Variants in ITPR2 observed in about 807,000 individuals in gnomAD.
ITPR2 encodes inositol 1,4,5-trisphosphate receptor type 2, also known as inositol 1,4,5-trisphosphate-gated calcium channel ITPR2.
In ITPR2, 207 loss-of-function variants were observed where a neutral mutation model predicts 317.1. The observed-to-expected ratio is 0.65, with a 90% CI of 0.58 to 0.73. The LOEUF is 0.73. Among genes scored for constraint, ITPR2 ranks in the 30% least tolerant of loss-of-function variants. The pLI, the probability that ITPR2 is intolerant of heterozygous loss-of-function variation, is 0.00. For synonymous variants in ITPR2, 1,156 were observed against 1,149.1 expected (o/e 1.01, Z -0.12); for missense variants, 2,613 against 3,284.0 (o/e 0.80, Z 4.99).
rs1265358828 is a variant in ITPR2 at position 26,832,922 on chromosome 12, C to G, written c.-141G>C. The G allele has an allele frequency of 2.7e-5, 18 of 659,908 alleles. No individual in the cohort carries two copies. Among genetic ancestry groups the G allele is most frequent in the Non-Finnish European group, 4.4e-5 (17 of 387,312 alleles). The allele number at this position is 659,908 out of a possible 1,614,324, so 40.9% of individuals were successfully genotyped here. A position where few individuals can be genotyped will look rare whatever the true frequency, so the allele number is the denominator to read the frequency against. ...GCCGCGGCGGAGGGCACGGCCCGAG[C>G]CACTGAGCGTCGCGGCTCAGCCGTG... On this transcript the variant is annotated 5_prime_UTR_variant, in exon 1 of 57. Transcript: ENST00000381340.
In ITPR2 at chr12:26,519,874, A is replaced by G. The variant is rs767888665; in HGVS notation, c.5074-24614T>C. ...TCAACGAGATATATTAAGTAAAAAG[A>G]GAAAGGTGTGAAATAGTGGTATGAT... is the stretch of plus-strand genomic sequence containing the variant. On this transcript the variant is annotated intron_variant, in intron 37 of 56. Coordinates refer to ENST00000381340, the MANE Select transcript of ITPR2 (RefSeq NM_002223.4). 3.9e-5 allele frequency among the ~76,000 whole-genome samples: 6 copies of G among 152,368 alleles called. No homozygotes were observed. The East Asian group carries it at 1.2e-3, about 29-fold the overall frequency.
intron 13 of ITPR2, among the ~76,000 whole-genome samples, chr12:26,666,429 TG>T (rs1256982942): frequency 1.3e-5 from 2 of 152,210 alleles, no homozygotes; most frequent in Non-Finnish European, 1.5e-5. Context: ...GAGTCGCAAC[TG>T]CACACGAGTT....
At chr12:26,437,330 C>A (rs1197254903) in intron 47 of ITPR2, among the ~76,000 whole-genome samples, 1 of 152,204 alleles carries the variant, frequency 6.6e-6, no homozygotes, top group Non-Finnish European at 1.5e-5. Context: ...TGAATTTCAA[C>A]CTAGTGCCTA....
chr12:26,807,353 C>A (rs890513984), intron 1 of ITPR2, among the ~76,000 whole-genome samples: 2 of 152,188 alleles, frequency 1.3e-5, no homozygotes, highest in African/African-American at 4.8e-5. Context: ...AGGATTTCAA[C>A]AATACCCATA....
chr12:26,341,389 GTGGGA>G (rs1938108357), intron 55 of ITPR2, among the ~76,000 whole-genome samples: 1 of 152,146 alleles, frequency 6.6e-6, no homozygotes, highest in South Asian at 2.1e-4. Flanking sequence ...ACCTCTGCCT[GTGGGA>G]TCCCTAGAAT....
chr12:26,412,084 G>C (rs1286664933), intron 51 of ITPR2, among the ~76,000 whole-genome samples: 2 of 152,118 alleles, frequency 1.3e-5, no homozygotes, highest in Non-Finnish European at 2.9e-5. Flanking sequence ...ATGAAGTAAA[G>C]AGGTTCCTCT....
intron 2 of ITPR2, among the ~76,000 whole-genome samples, chr12:26,731,214 C>A (rs1592078482): frequency 6.6e-6 from 1 of 152,208 alleles, no homozygotes; most frequent in East Asian, 1.9e-4. Flanking sequence ...AGGCATTCAA[C>A]AAATGGCTCT....
At chr12:26,626,569 T>A (rs1276938146) in intron 23 of ITPR2, among the ~76,000 whole-genome samples, 1 of 152,224 alleles carries the variant, frequency 6.6e-6, no homozygotes, top group Non-Finnish European at 1.5e-5. Context: ...TGCCATATCA[T>A]TCCTGGAAAT....
chr12:26,448,704 GA>G (rs1941669910), intron 45 of ITPR2, among the ~76,000 whole-genome samples: 1 of 152,208 alleles, frequency 6.6e-6, no homozygotes, highest in East Asian at 1.9e-4. Flanking sequence ...ATCCCCACAG[GA>G]AAGACTACCA....
At chr12:26,380,672 A>G (rs1395515945) in intron 55 of ITPR2, among the ~76,000 whole-genome samples, 1 of 152,250 alleles carries the variant, frequency 6.6e-6, no homozygotes, top group South Asian at 2.1e-4. Context: ...ATATAATTTC[A>G]TAATTATGAC....
chr12:26,701,861 C>A (rs1255756491), intron 9 of ITPR2, among the ~76,000 whole-genome samples: 1 of 152,116 alleles, frequency 6.6e-6, no homozygotes, highest in African/African-American at 2.4e-5. Flanking sequence ...TTTAAAAGGG[C>A]TTTTATTCCA....
At chr12:26,777,204 C>T (rs2137168511) in intron 2 of ITPR2, among the ~76,000 whole-genome samples, 1 of 152,194 alleles carries the variant, frequency 6.6e-6, no homozygotes, top group Middle Eastern at 3.4e-3. Flanking sequence ...CCTGATCTCC[C>T]TTGGTTTAAT....
chr12:26,639,007 AT>A (rs1946922198), intron 21 of ITPR2, among the ~76,000 whole-genome samples: 1 of 152,210 alleles, frequency 6.6e-6, no homozygotes, highest in African/African-American at 2.4e-5. Flanking sequence ...CCTAGGCTAC[AT>A]TATAAAAGGG....
At chr12:26,629,764 T>TC (rs1308842567) in intron 22 of ITPR2, among the ~76,000 whole-genome samples, 2 of 151,500 alleles carry the variant, frequency 1.3e-5, no homozygotes, top group African/African-American at 2.4e-5. Context: ...CTCTCTCTCC[T>TC]CCCCCGACCC....
intron 9 of ITPR2, among the ~76,000 whole-genome samples, chr12:26,704,429 C>G (rs2137008301): frequency 6.6e-6 from 1 of 152,294 alleles, no homozygotes; most frequent in South Asian, 2.1e-4. Context: ...GACATAGGAA[C>G]TGCACAACAG....
At chr12:26,760,859 C>T (rs1349193989) in intron 2 of ITPR2, among the ~76,000 whole-genome samples, 1 of 152,222 alleles carries the variant, frequency 6.6e-6, no homozygotes, top group Non-Finnish European at 1.5e-5. Context: ...TGGTAAAGCT[C>T]ATGGAACCTT....
chr12:26,537,954 A>G (rs1344605955), intron 37 of ITPR2, among the ~76,000 whole-genome samples: 1 of 152,254 alleles, frequency 6.6e-6, no homozygotes, highest in Non-Finnish European at 1.5e-5. Context: ...GAAATCAGTA[A>G]ATGGTAGATA....
intron 51 of ITPR2, among the ~76,000 whole-genome samples, chr12:26,413,995 TAGTA>T (rs1448956105): frequency 6.6e-6 from 1 of 151,370 alleles, no homozygotes; most frequent in African/African-American, 2.4e-5. Flanking sequence ...GCCTCAAATC[TAGTA>T]AGTAATTAAT....
chr12:26,499,334 T>C (rs549569788), intron 37 of ITPR2, among the ~76,000 whole-genome samples: 1 of 152,326 alleles, frequency 6.6e-6, no homozygotes, highest in South Asian at 2.1e-4. Flanking sequence ...TTCCTCACCA[T>C]GTAATATTCA....
Sources: gnomAD v4.1 joint callset for allele counts (sites outside exome capture counted in the v4.1 genomes callset) on GRCh38, gnomAD v4.1.1 for gene constraint, MANE v1.5 for transcripts, NCBI Gene and HGNC (gene_info 2026-07-23, HGNC 2026-07-21) for gene names.